ROBO1: variants seen among roughly 807,000 people sequenced by gnomAD.
The protein encoded by ROBO1 is roundabout guidance receptor 1.
A neutral mutation model predicts 195.9 loss-of-function variants in ROBO1; 149 were observed. That is an observed-to-expected ratio of 0.76 (90% CI 0.67 to 0.87). ROBO1 has a LOEUF of 0.87. ROBO1 is among the 40% of genes least tolerant of loss of function. ROBO1 has a pLI of 0.00. For synonymous variants in ROBO1, 816 were observed against 733.2 expected (o/e 1.11, Z -1.82); for missense variants, 1,933 against 2,068.3 (o/e 0.93, Z 1.27).
intron 2 of ROBO1, among the ~76,000 whole-genome samples, chr3:79,174,535 C>T (rs1238875235): frequency 6.6e-6 from 1 of 152,122 alleles, no homozygotes; most frequent in African/African-American, 2.4e-5. Flanking sequence ...GGACACATTA[C>T]CTTTAAAATA....
At chr3:78,866,214 T>C (rs1482200633) in intron 4 of ROBO1, among the ~76,000 whole-genome samples, 2 of 152,316 alleles carry the variant, frequency 1.3e-5, no homozygotes, top group East Asian at 3.9e-4. Context: ...GACAACAATA[T>C]TACAAAATTA....
Position 78,955,138 on chromosome 3 carries a change from A to G in ROBO1, c.173-16211T>C, listed in dbSNP as rs13315055. 4.6e-3 allele frequency among the ~76,000 whole-genome samples: 479 copies of G among 103,314 alleles called. 7 individuals carry two copies. The highest frequency in any genetic ancestry group is 0.023 in the African/African-American group (426 of 18,622). The allele number at this position is 103,314 out of a possible 152,430, so 67.8% of individuals were successfully genotyped here. A position where few individuals can be genotyped will look rare whatever the true frequency, so the allele number is the denominator to read the frequency against. ...TATATAGGTAAACTGTGTGTCATGG[A>G]GTTATATAGGTAAATTGTGTGTCAT... is the stretch of plus-strand genomic sequence containing the variant. On this transcript the variant is annotated intron_variant, in intron 3 of 30. Coordinates refer to ENST00000464233, the MANE Select transcript of ROBO1 (RefSeq NM_002941.4).
At chr3:79,477,985 TAA>T (rs2107359454) in intron 2 of ROBO1, among the ~76,000 whole-genome samples, 1 of 152,288 alleles carries the variant, frequency 6.6e-6, no homozygotes, top group Non-Finnish European at 1.5e-5. Flanking sequence ...TCTAAATAAT[TAA>T]GTCTAATTTT....
rs1355978142 is a variant in ROBO1 at position 78,685,880 on chromosome 3, C to T, written c.1208G>A (p.Ser403Asn). Residue 403 changes from serine to asparagine, a missense_variant, in exon 10 of 31, where the codon AGC becomes AAC. Ser to Asn is a conservative substitution (Grantham distance 46, BLOSUM62 1). Transcript: ENST00000464233. Reference protein sequence around the residue: ...LFSYQPPQSSSRFSVSQTGDL... With the variant: ...LFSYQPPQSSNRFSVSQTGDL... ...GCCAGTCTGGGAGACTGAAAATCGG[C>T]TGGATGACTGTGGTGGTTGATATGA... 1 of 1,605,412 alleles carries T rather than the reference C, an allele frequency of 6.2e-7. No individual in the cohort carries two copies. Among genetic ancestry groups the T allele is most frequent in the African/African-American group, 1.3e-5 (1 of 74,892 alleles).
intron 2 of ROBO1, among the ~76,000 whole-genome samples, chr3:79,493,458 G>C (rs1055223860): frequency 2.6e-5 from 4 of 151,924 alleles, no homozygotes; most frequent in African/African-American, 9.7e-5. Context: ...TAGACACTGT[G>C]CTAAGACCTA....
At chr3:79,031,187 C>T (rs770849968) in intron 3 of ROBO1, among the ~76,000 whole-genome samples, 2 of 152,126 alleles carry the variant, frequency 1.3e-5, no homozygotes, top group Non-Finnish European at 2.9e-5. Flanking sequence ...CTAAATGCTA[C>T]CCAAGTTTAC....
intron 2 of ROBO1, among the ~76,000 whole-genome samples, chr3:79,499,471 A>G (rs1054690230): frequency 1.3e-5 from 2 of 152,154 alleles, no homozygotes; most frequent in Non-Finnish European, 2.9e-5. Context: ...TATTTTTGTT[A>G]TTTCTTATAA....
At chr3:79,431,128 C>A (rs547409477) in intron 2 of ROBO1, among the ~76,000 whole-genome samples, 1 of 152,116 alleles carries the variant, frequency 6.6e-6, no homozygotes, top group Non-Finnish European at 1.5e-5. Context: ...GACCCCTGTA[C>A]TGCATATGTC....
At chr3:79,709,760 C>A (rs1195188875) in intron 1 of ROBO1, among the ~76,000 whole-genome samples, 1 of 152,136 alleles carries the variant, frequency 6.6e-6, no homozygotes, top group Non-Finnish European at 1.5e-5. Context: ...CTATTAGGAG[C>A]CTTTGGTGGT....
chr3:79,068,711 A>G (rs1430972416), intron 3 of ROBO1, among the ~76,000 whole-genome samples: 2 of 151,808 alleles, frequency 1.3e-5, no homozygotes, highest in Admixed American at 6.6e-5. Context: ...TCATTGCTAA[A>G]CTTACAATAA....
chr3:78,938,928 C>A lies in ROBO1; in HGVS notation c.173-1G>T. ...AAATCTTCCTGACGAAGACGGGAGCCTGCAGAAGAATTCACAAAATATCTT... is the reference window on the plus strand; with the variant it reads ...AAATCTTCCTGACGAAGACGGGAGCATGCAGAAGAATTCACAAAATATCTT... On this transcript the variant is annotated splice_acceptor_variant, in intron 3 of 30. Coordinates refer to ENST00000464233, the MANE Select transcript of ROBO1 (RefSeq NM_002941.4). LOFTEE classifies it high-confidence loss of function. 6.3e-7 allele frequency: 1 copy of A among 1,596,808 alleles called. No homozygotes were observed. The highest frequency in any genetic ancestry group is 8.5e-7 in the Non-Finnish European group (1 of 1,172,226).
At chr3:79,054,949 C>A (rs1029651383) in intron 3 of ROBO1, among the ~76,000 whole-genome samples, 1 of 152,138 alleles carries the variant, frequency 6.6e-6, no homozygotes, top group Admixed American at 6.5e-5. Flanking sequence ...TGGGTCCCAG[C>A]CTCTCCTTCT....
rs535901551 is a variant in ROBO1, at chr3:79,414,741, ATAAAT to A, written c.88+175078_88+175082del. Reference sequence around the variant, plus strand: ...GAGAGATCATAAAGAGAGAGCCATTATAAATATGGGAAACTGGATCTAGAAACACA... The same window carrying A: ...GAGAGATCATAAAGAGAGAGCCATTAATGGGAAACTGGATCTAGAAACACA... On this transcript the variant is annotated intron_variant, in intron 2 of 30. Coordinates refer to ENST00000464233, the MANE Select transcript of ROBO1 (RefSeq NM_002941.4). Among the ~76,000 whole-genome samples, 412 of 152,268 alleles carry A rather than the reference ATAAAT, an allele frequency of 2.7e-3. 2 individuals carry two copies. The highest frequency in any genetic ancestry group is 8.6e-3 in the African/African-American group (358 of 41,572).
intron 1 of ROBO1, among the ~76,000 whole-genome samples, chr3:79,705,548 C>T (rs1324299096): frequency 6.6e-6 from 1 of 151,970 alleles, no homozygotes; most frequent in African/African-American, 2.4e-5. Flanking sequence ...ATTTGTCTGT[C>T]CTTTCACCAA....
At chr3:79,627,564 G>A (rs1388616857) in intron 1 of ROBO1, among the ~76,000 whole-genome samples, 7 of 152,200 alleles carry the variant, frequency 4.6e-5, no homozygotes, top group South Asian at 2.1e-4. Context: ...GAAAACCTAC[G>A]AAATACCATT....
At chr3:78,711,440 T>TTCCTTCCTTCC (rs2081737355) in intron 8 of ROBO1, among the ~76,000 whole-genome samples, 34 of 41,550 alleles carry the variant, frequency 8.2e-4, no homozygotes, top group Admixed American at 1.9e-3. Flanking sequence ...TCTTTCTTTC[T>TTCCTTCCTTCC]TTCCTTCCTT....
intron 2 of ROBO1, among the ~76,000 whole-genome samples, chr3:79,410,232 G>T (rs1459258811): frequency 1.3e-5 from 2 of 152,000 alleles, no homozygotes; most frequent in Admixed American, 6.6e-5. Context: ...GTATTTTCAC[G>T]TAATGGACAT....
intron 2 of ROBO1, among the ~76,000 whole-genome samples, chr3:79,332,466 A>C (rs1405847308): frequency 6.6e-6 from 1 of 152,144 alleles, no homozygotes. Context: ...AGGAGATGAG[A>C]GCTGACATCT....
chr3:78,979,597 C>T (rs2076949850), intron 3 of ROBO1, among the ~76,000 whole-genome samples: 1 of 152,134 alleles, frequency 6.6e-6, no homozygotes, highest in East Asian at 1.9e-4. Flanking sequence ...AAATTGATGA[C>T]TGTTTTTCCT....
Sources: allele counts gnomAD v4.1 joint callset (sites outside exome capture counted in the v4.1 genomes callset), GRCh38; gene constraint gnomAD v4.1.1; transcripts MANE v1.5; gene names NCBI Gene and HGNC (gene_info 2026-07-23, HGNC 2026-07-21).